Variants in TESMIN observed in about 807,000 individuals in gnomAD.
TESMIN encodes testis expressed metallothionein like protein.
In TESMIN, 34 loss-of-function variants were observed where a neutral mutation model predicts 47.4. The observed-to-expected ratio is 0.72, with a 90% CI of 0.55 to 0.96. TESMIN has a LOEUF of 0.96. TESMIN is among the 40% of genes least tolerant of loss of function. TESMIN has a pLI of 0.00. For missense variants in TESMIN, 610 were observed against 637.2 expected, an observed-to-expected ratio of 0.96 and a Z score of 0.46; for synonymous variants, 278 against 258.9, an observed-to-expected ratio of 1.07 and a Z score of -0.71.
intron 6 of TESMIN, chr11:68,737,344 A>G: frequency 1.0e-6 from 1 of 985,592 alleles, no homozygotes; most frequent in Non-Finnish European, 1.2e-6. Flanking sequence ...GAGCCACTGC[A>G]GAAACTGAAG....
chr11:68,741,571 T>C (rs1271547844), intron 5 of TESMIN, among the ~76,000 whole-genome samples: 1 of 152,226 alleles, frequency 6.6e-6, no homozygotes, highest in Non-Finnish European at 1.5e-5. Flanking sequence ...GGCGGAGTTG[T>C]GTGTTTTGTT....
Position 68,740,951 on chromosome 11 carries a change from C to T in TESMIN, c.828+1367G>A, listed in dbSNP as rs536682543. ...ATCTCATCTTTGTTGATGGAAACTC[C>T]ATCTCTCCAATCATCCAGGCTGAAA... On this transcript the variant is annotated intron_variant, in intron 5 of 9. Transcript: ENST00000255087. Among the ~76,000 whole-genome samples the T allele has an allele frequency of 1.3e-4, 20 of 152,202 alleles. 1 individual carries two copies. The highest frequency in any genetic ancestry group is 1.0e-3 in the South Asian group (5 of 4,828).
At chr11:68,741,519 G>A (rs932627442) in intron 5 of TESMIN, among the ~76,000 whole-genome samples, 1 of 152,160 alleles carries the variant, frequency 6.6e-6, no homozygotes, top group Non-Finnish European at 1.5e-5. Flanking sequence ...TATTAGATTT[G>A]CTAATTGTCT....
intron 7 of TESMIN, among the ~76,000 whole-genome samples, chr11:68,714,066 T>C (rs1282283379): frequency 6.6e-6 from 1 of 152,218 alleles, no homozygotes; most frequent in East Asian, 1.9e-4. Flanking sequence ...AATCTATCTA[T>C]ACACACAAAT....
intron 6 of TESMIN, among the ~76,000 whole-genome samples, chr11:68,723,750 G>A (rs375051233): frequency 3.9e-5 from 6 of 151,942 alleles, no homozygotes; most frequent in Middle Eastern, 3.4e-3. Flanking sequence ...ATATGAATAC[G>A]AATATATGAA....
At chr11:68,714,861 C>T (rs1946117510) in intron 7 of TESMIN, among the ~76,000 whole-genome samples, 1 of 152,116 alleles carries the variant, frequency 6.6e-6, no homozygotes, top group African/African-American at 2.4e-5. Flanking sequence ...TGGTTGTGCC[C>T]CTTTATATGC....
intron 6 of TESMIN, among the ~76,000 whole-genome samples, chr11:68,735,222 C>T (rs1162723121): frequency 2.6e-5 from 4 of 152,220 alleles, no homozygotes; most frequent in Admixed American, 2.0e-4. Flanking sequence ...GTGGGTCAGA[C>T]CTGGGCCTGT....
chr11:68,718,247 T>C (rs1237578607), intron 6 of TESMIN, among the ~76,000 whole-genome samples: 1 of 145,994 alleles, frequency 6.8e-6, no homozygotes, highest in Non-Finnish European at 1.5e-5. Context: ...TTAGGAAATC[T>C]TCCAGAGTAT....
chr11:68,711,113 T>A, intron 8 of TESMIN, 64 bp from the exon 9 acceptor site: 1 of 1,348,480 alleles, frequency 7.4e-7, no homozygotes, highest in Non-Finnish European at 1.0e-6. Context: ...ACTGACAAAT[T>A]CTATTTGGAC....
intron 6 of TESMIN, among the ~76,000 whole-genome samples, chr11:68,728,241 T>A (rs1946287572): frequency 6.6e-6 from 1 of 152,172 alleles, no homozygotes; most frequent in Non-Finnish European, 1.5e-5. Flanking sequence ...AAAGTGTTAC[T>A]CCAGTGAACA....
At chr11:68,722,709 G>C (rs922431813) in intron 6 of TESMIN, among the ~76,000 whole-genome samples, 1 of 152,084 alleles carries the variant, frequency 6.6e-6, no homozygotes, top group Non-Finnish European at 1.5e-5. Flanking sequence ...AAAACTAAAG[G>C]AATGTTATAA....
intron 6 of TESMIN, among the ~76,000 whole-genome samples, chr11:68,717,415 C>T (rs1946153067): frequency 6.6e-6 from 1 of 151,860 alleles, no homozygotes; most frequent in Non-Finnish European, 1.5e-5. Context: ...GCGAGCTCCC[C>T]AAGGAGTGAA....
At position 68,750,215 on chromosome 11, in the gene TESMIN, G is replaced by C. The variant is rs776650900; in HGVS notation, c.446C>G (p.Ser149Cys). ...PLGAWVLEGA[S>C]HPGVRMIPVE... is the part of the protein sequence containing the mutation. ...TGGGATCATGCGGACGCCCGGGTGG[G>C]AGGCTCCTTCCAGGACCCAGGCGCC... is the stretch of plus-strand genomic sequence containing the variant. Residue 149 changes from serine to cysteine, a missense_variant, in exon 2 of 10, where the codon TCC becomes TGC. Physicochemically the swap from Ser to Cys is moderately radical, Grantham distance 112 (BLOSUM62 -1). Transcript: ENST00000255087. The C allele has an allele frequency of 1.3e-6, 2 of 1,499,220 alleles. No homozygotes were observed. Among genetic ancestry groups the C allele is most frequent in the African/African-American group, 1.5e-5 (1 of 68,850 alleles). The allele number at this position is 1,499,220 out of a possible 1,614,324, so 92.9% of individuals were successfully genotyped here.
chr11:68,727,348 G>A (rs893459192), intron 6 of TESMIN, among the ~76,000 whole-genome samples: 5 of 152,152 alleles, frequency 3.3e-5, no homozygotes, highest in East Asian at 3.9e-4. Context: ...GCTGAGGCAC[G>A]AGAATTGCTT....
intron 3 of TESMIN, 88 bp from the exon 4 acceptor site, chr11:68,745,199 G>T: frequency 7.9e-7 from 1 of 1,263,498 alleles, no homozygotes; most frequent in Non-Finnish European, 1.1e-6. Flanking sequence ...TGAGAAAATA[G>T]CTTTAATCCA....
chr11:68,740,232 A>G (rs1392873435), intron 5 of TESMIN, among the ~76,000 whole-genome samples: 5 of 152,202 alleles, frequency 3.3e-5, no homozygotes, highest in Non-Finnish European at 5.9e-5. Context: ...ACAAGCTCCC[A>G]GGTGATCCCA....
chr11:68,737,122 A>T, intron 6 of TESMIN: 1 of 985,460 alleles, frequency 1.0e-6, no homozygotes. Flanking sequence ...TGTGTAATGT[A>T]TCAGCAGAAT....
Position 68,708,185 on chromosome 11 carries a change from G to A in TESMIN, c.*123C>T. On this transcript the variant is annotated 3_prime_UTR_variant, in exon 10 of 10. Transcript: ENST00000255087. Reference sequence around the variant, plus strand: ...AGAGAGCTCTGAGTAAACTCCCTGGGCCCAGGGATGCAGGGGAGCCTGGTT... The same window carrying A: ...AGAGAGCTCTGAGTAAACTCCCTGGACCCAGGGATGCAGGGGAGCCTGGTT... 2.1e-6 allele frequency: 2 copies of A among 962,716 alleles called. No individual in the cohort carries two copies. Among genetic ancestry groups the A allele is most frequent in the Non-Finnish European group, 3.1e-6 (2 of 644,760 alleles). The allele number at this position is 962,716 out of a possible 1,614,324, so 59.6% of individuals were successfully genotyped here.
At chr11:68,735,978 T>C (rs1946382565) in intron 6 of TESMIN, among the ~76,000 whole-genome samples, 1 of 152,216 alleles carries the variant, frequency 6.6e-6, no homozygotes, top group Non-Finnish European at 1.5e-5. Flanking sequence ...GGAAACTCAC[T>C]TCCATGGCTC....
Sources: gnomAD v4.1 joint callset for allele counts (sites outside exome capture counted in the v4.1 genomes callset) on GRCh38, gnomAD v4.1.1 for gene constraint, MANE v1.5 for transcripts, NCBI Gene and HGNC (gene_info 2026-07-23, HGNC 2026-07-21) for gene names.